Variants in RTN4RL1 observed in about 807,000 individuals in gnomAD.
The protein encoded by RTN4RL1 is reticulon-4 receptor-like 1.
A neutral mutation model predicts 25.6 loss-of-function variants in RTN4RL1; 7 were observed. The observed-to-expected ratio is 0.27, with a 90% CI of 0.16 to 0.51. The LOEUF (loss-of-function observed/expected upper bound fraction) is 0.51. Among genes scored for constraint, RTN4RL1 ranks in the 20% least tolerant of loss-of-function variants. RTN4RL1 has a pLI of 0.97. For synonymous variants in RTN4RL1, 297 were observed against 288.2 expected (o/e 1.03, Z -0.31); for missense variants, 500 against 615.6 (o/e 0.81, Z 1.99).
At chr17:1,999,440 C>T (rs1187629537) in intron 1 of RTN4RL1, among the ~76,000 whole-genome samples, 1 of 132,778 alleles carries the variant, frequency 7.5e-6, no homozygotes, top group Non-Finnish European at 1.6e-5. Context: ...AGCAAGACTC[C>T]GTCTCGAAAA....
rs956629769 is a variant in RTN4RL1 at position 2,024,913 on chromosome 17, C to T, written c.-48G>A. The stretch of plus-strand genomic sequence containing the variant: ...CGAGGTCGGCCTAGGCGCACTCCCT[C>T]CCGGGGTCCAGATTCAAATCCCTGG... On this transcript the variant is annotated 5_prime_UTR_variant, in exon 1 of 2. Coordinates refer to ENST00000331238, the MANE Select transcript of RTN4RL1 (RefSeq NM_178568.4). 3 of 1,558,182 alleles carry T rather than the reference C, an allele frequency of 1.9e-6. No individual in the cohort carries two copies. The highest frequency in any genetic ancestry group is 2.8e-5 in the African/African-American group (2 of 72,294).
chr17:1,978,697 G>A (rs924783833), intron 1 of RTN4RL1, among the ~76,000 whole-genome samples: 7 of 152,210 alleles, frequency 4.6e-5, no homozygotes, highest in African/African-American at 1.7e-4. Flanking sequence ...AGCATGGAGC[G>A]TGGTGCTTAG....
chr17:2,004,976 A>G (rs1260988085), intron 1 of RTN4RL1, among the ~76,000 whole-genome samples: 1 of 152,218 alleles, frequency 6.6e-6, no homozygotes, highest in African/African-American at 2.4e-5. Context: ...GTCAGGCCAC[A>G]ATATAGTGCC....
At chr17:1,970,594 G>A (rs2066814488) in intron 1 of RTN4RL1, among the ~76,000 whole-genome samples, 1 of 152,192 alleles carries the variant, frequency 6.6e-6, no homozygotes, top group African/African-American at 2.4e-5. Context: ...CCACGACCCA[G>A]CTTCCTTCCC....
At chr17:2,000,035 G>A (rs1355012660) in intron 1 of RTN4RL1, among the ~76,000 whole-genome samples, 1 of 152,282 alleles carries the variant, frequency 6.6e-6, no homozygotes, top group Non-Finnish European at 1.5e-5. Flanking sequence ...GCCATCTGCA[G>A]CCAGCCCTGT....
In RTN4RL1 at chr17:2,025,018, A is replaced by C; in HGVS notation, c.-153T>G. On this transcript the variant is annotated 5_prime_UTR_variant, in exon 1 of 2. Transcript: ENST00000331238. The surrounding 1 kb of genome is among the most constrained non-coding windows in gnomAD (Gnocchi z 4.8). ...CTCGTGCCCGGTGGCCCGGCCCCGC[A>C]GGGGCATGGTGAGCTCCAGCCCCGC... is the stretch of plus-strand genomic sequence containing the variant. 1 of 740,116 alleles carries C rather than the reference A, an allele frequency of 1.4e-6. No homozygotes were observed. Among genetic ancestry groups the C allele is most frequent in the Non-Finnish European group, 2.1e-6 (1 of 473,556 alleles). The allele number at this position is 740,116 out of a possible 1,614,324, so 45.8% of individuals were successfully genotyped here.
rs564190055 is a variant in RTN4RL1, at chr17:1,974,352, T to C, written c.14-36544A>G. On this transcript the variant is annotated intron_variant, in intron 1 of 1. Coordinates refer to ENST00000331238, the MANE Select transcript of RTN4RL1 (RefSeq NM_178568.4). The stretch of plus-strand genomic sequence containing the variant: ...GTTGCAGTGAGCTGAGATTGTGTCA[T>C]TGCACTCCAGCCTGGGCGACAGAGC... Among the ~76,000 whole-genome samples the C allele has an allele frequency of 6.3e-4, 90 of 143,670 alleles. 2 individuals carry two copies. The South Asian group carries it at 6.9e-3, about 11-fold the overall frequency. The allele number at this position is 143,670 out of a possible 152,430, so 94.3% of individuals were successfully genotyped here.
intron 1 of RTN4RL1, among the ~76,000 whole-genome samples, chr17:1,971,665 A>AT (rs1567513459): frequency 1.6e-4 from 15 of 94,324 alleles, no homozygotes; most frequent in Non-Finnish European, 4.7e-5. Context: ...CCCTGTCTCT[A>AT]CAAAAAAAAA....
At chr17:1,969,457 T>G (rs2066808429) in intron 1 of RTN4RL1, among the ~76,000 whole-genome samples, 1 of 152,082 alleles carries the variant, frequency 6.6e-6, no homozygotes, top group Non-Finnish European at 1.5e-5. Context: ...CTCATTTTTG[T>G]CCCCACTTCT....
chr17:1,980,406 A>G (rs1166624349), intron 1 of RTN4RL1, among the ~76,000 whole-genome samples: 1 of 151,878 alleles, frequency 6.6e-6, no homozygotes, highest in Non-Finnish European at 1.5e-5. Context: ...TTCCAATTCC[A>G]TAGGATCCCA....
chr17:1,985,604 T>C (rs1038429689), intron 1 of RTN4RL1, among the ~76,000 whole-genome samples: 3 of 152,188 alleles, frequency 2.0e-5, no homozygotes, highest in African/African-American at 7.2e-5. Context: ...CTGTCACACA[T>C]AGGGATATAT....
At chr17:2,004,761 G>A (rs1319955271) in intron 1 of RTN4RL1, among the ~76,000 whole-genome samples, 3 of 152,220 alleles carry the variant, frequency 2.0e-5, no homozygotes, top group Non-Finnish European at 4.4e-5. Flanking sequence ...ACCTGTCCCT[G>A]CTGGTCTTGA....
At chr17:2,003,966 G>A (rs1016167547) in intron 1 of RTN4RL1, among the ~76,000 whole-genome samples, 3 of 152,222 alleles carry the variant, frequency 2.0e-5, no homozygotes, top group African/African-American at 7.2e-5. Flanking sequence ...AGCTACTCGG[G>A]AGGCTGAGGC....
At chr17:1,993,488 T>C (rs2066918073) in intron 1 of RTN4RL1, among the ~76,000 whole-genome samples, 1 of 152,220 alleles carries the variant, frequency 6.6e-6, no homozygotes, top group Admixed American at 6.5e-5. Flanking sequence ...ACAGGATTAC[T>C]GTGAGGAGTA....
chr17:1,949,469 G>C (rs1597490181), intron 1 of RTN4RL1, among the ~76,000 whole-genome samples: 1 of 152,198 alleles, frequency 6.6e-6, no homozygotes, highest in African/African-American at 2.4e-5. Flanking sequence ...ACAGGAGCTG[G>C]GAGCCTGCCT....
At chr17:1,964,295 A>T (rs886140553) in intron 1 of RTN4RL1, among the ~76,000 whole-genome samples, 5 of 152,246 alleles carry the variant, frequency 3.3e-5, no homozygotes, top group Non-Finnish European at 7.3e-5. Context: ...GTTAAATATA[A>T]AAATATTTTA....
chr17:1,938,198 T>C (rs1338788034), intron 1 of RTN4RL1, among the ~76,000 whole-genome samples: 1 of 152,228 alleles, frequency 6.6e-6, no homozygotes, highest in Non-Finnish European at 1.5e-5. Flanking sequence ...CCGCTGGTTG[T>C]TGTTATCTGT....
At chr17:1,977,991 G>A (rs920986179) in intron 1 of RTN4RL1, among the ~76,000 whole-genome samples, 43 of 150,206 alleles carry the variant, frequency 2.9e-4, no homozygotes, top group Non-Finnish European at 4.0e-4. Context: ...CCCGCATCTT[G>A]CACCCCGGAT....
intron 1 of RTN4RL1, among the ~76,000 whole-genome samples, chr17:1,967,407 G>A (rs926481497): frequency 1.3e-5 from 2 of 151,868 alleles, no homozygotes; most frequent in South Asian, 4.2e-4. Flanking sequence ...ACCACGCCTC[G>A]CCGTCTGTCT....
Sources: allele counts gnomAD v4.1 joint callset (sites outside exome capture counted in the v4.1 genomes callset), GRCh38; gene constraint gnomAD v4.1.1; non-coding constraint Gnocchi (gnomAD v3.1); transcripts MANE v1.5; gene names NCBI Gene and HGNC (gene_info 2026-07-23, HGNC 2026-07-21).